Variants in ROBO2 observed in about 807,000 individuals in gnomAD.
ROBO2 encodes the protein roundabout guidance receptor 2, also known as roundabout homolog 2.
A neutral mutation model predicts 160.8 loss-of-function variants in ROBO2; 53 were observed. That is an observed-to-expected ratio of 0.33 (90% CI 0.26 to 0.41). The LOEUF is 0.41. Ranked by LOEUF, ROBO2 falls within the 10% of genes least tolerant of loss-of-function variation. ROBO2 has a pLI of 1.00. For missense variants in ROBO2, 1,577 were observed against 1,722.4 expected (o/e 0.92, Z 1.49); for synonymous variants, 664 against 611.7 (o/e 1.09, Z -1.26).
At chr3:77,296,077 C>A (rs1336866583) in intron 2 of ROBO2, among the ~76,000 whole-genome samples, 1 of 150,238 alleles carries the variant, frequency 6.7e-6, no homozygotes, top group Non-Finnish European at 1.5e-5. Flanking sequence ...GCTAGATCAC[C>A]CCAGATATGA....
At chr3:77,386,409 G>A (rs763349048) in intron 2 of ROBO2, among the ~76,000 whole-genome samples, 1 of 152,074 alleles carries the variant, frequency 6.6e-6, no homozygotes, top group East Asian at 1.9e-4. Flanking sequence ...CTTTTAGCAC[G>A]TTAGGTATAG....
chr3:76,899,433 G>A (rs1444121408), intron 2 of ROBO2, among the ~76,000 whole-genome samples: 1 of 152,058 alleles, frequency 6.6e-6, no homozygotes, highest in East Asian at 1.9e-4. Context: ...CTTAGGGTCC[G>A]AAAGTTCTCT....
chr3:76,570,510 G>T (rs2084892966), intron 2 of ROBO2, among the ~76,000 whole-genome samples: 1 of 152,138 alleles, frequency 6.6e-6, no homozygotes, highest in South Asian at 2.1e-4. Flanking sequence ...CATATAAGGA[G>T]CTTTTAAAAG....
chr3:76,342,445 T>A (rs1412194949), intron 2 of ROBO2, among the ~76,000 whole-genome samples: 1 of 152,090 alleles, frequency 6.6e-6, no homozygotes, highest in Non-Finnish European at 1.5e-5. Flanking sequence ...GATGAATGAC[T>A]GCACAGAGTG....
At chr3:76,481,297 G>T (rs1409886322) in intron 2 of ROBO2, among the ~76,000 whole-genome samples, 1 of 152,024 alleles carries the variant, frequency 6.6e-6, no homozygotes, top group African/African-American at 2.4e-5. Flanking sequence ...TTGTAATTGC[G>T]GGAGGGAAAA....
In ROBO2 at chr3:76,206,594, T is replaced by G. The variant is rs531880396; in HGVS notation, c.109+268992T>G. ...AAGTGCTCTGGGTCCAACGTGCATA[T>G]AGACACTCCCATGTGTGAAAAGTTC... is the stretch of plus-strand genomic sequence containing the variant. On this transcript the variant is annotated intron_variant, in intron 2 of 26. Coordinates refer to the ROBO2 transcript ENST00000487694. 2.6e-5 allele frequency among the ~76,000 whole-genome samples: 4 copies of G among 152,236 alleles called. 1 individual carries two copies. The South Asian group carries it at 8.3e-4, about 32-fold the overall frequency.
intron 2 of ROBO2, among the ~76,000 whole-genome samples, chr3:77,222,383 C>T (rs555807428): frequency 2.0e-5 from 3 of 152,168 alleles, no homozygotes; most frequent in South Asian, 4.2e-4. Context: ...TTACATGTTA[C>T]CGATAACCTG....
chr3:77,197,327 A>C (rs2082398374), intron 2 of ROBO2, among the ~76,000 whole-genome samples: 1 of 152,206 alleles, frequency 6.6e-6, no homozygotes, highest in Non-Finnish European at 1.5e-5. Flanking sequence ...AGCAATAGAC[A>C]ACCTCACTGA....
At chr3:76,071,951 C>T (rs2068469283) in intron 2 of ROBO2, among the ~76,000 whole-genome samples, 1 of 152,020 alleles carries the variant, frequency 6.6e-6, no homozygotes, top group Non-Finnish European at 1.5e-5. Context: ...TTGTGGAACA[C>T]ACTTCAATAC....
At chr3:76,803,449 A>AAGGAAGGAAGGATGGAGGGT (rs1452319214) in intron 2 of ROBO2, among the ~76,000 whole-genome samples, 1 of 138,752 alleles carries the variant, frequency 7.2e-6, no homozygotes, top group African/African-American at 2.8e-5. Context: ...GGATGGAGGG[A>AAGGAAGGAAGGATGGAGGGT]AGGAAGGAAG....
intron 2 of ROBO2, among the ~76,000 whole-genome samples, chr3:77,114,250 G>A (rs1327281870): frequency 6.6e-6 from 1 of 152,122 alleles, no homozygotes; most frequent in Non-Finnish European, 1.5e-5. Context: ...AGATTAGTGT[G>A]TGATTATTAT....
intron 2 of ROBO2, among the ~76,000 whole-genome samples, chr3:76,690,431 T>C (rs1391730836): frequency 6.6e-6 from 1 of 152,018 alleles, no homozygotes; most frequent in African/African-American, 2.4e-5. Context: ...CTTTATCCCC[T>C]TTCATCATCT....
intron 2 of ROBO2, among the ~76,000 whole-genome samples, chr3:76,718,609 C>T (rs957807473): frequency 2.6e-5 from 4 of 152,146 alleles, no homozygotes. Context: ...ATTAAGAAAG[C>T]CCCTCTGTGA....
At position 76,230,861 on chromosome 3, in the gene ROBO2, T is replaced by G. The variant is rs953752879; in HGVS notation, c.109+293259T>G. Among the ~76,000 whole-genome samples, 12 of 152,188 alleles carry G rather than the reference T, an allele frequency of 7.9e-5. 1 individual carries two copies. Among genetic ancestry groups the G allele is most frequent in the Non-Finnish European group, 1.8e-4 (12 of 68,034 alleles). ...TTAGGGTGAACCCCTAATTCCGGACTGGTGCCCTTTTAACAAAGGAATTAG... is the reference window on the plus strand; with the variant it reads ...TTAGGGTGAACCCCTAATTCCGGACGGGTGCCCTTTTAACAAAGGAATTAG... On this transcript the variant is annotated intron_variant, in intron 2 of 26. Coordinates refer to the ROBO2 transcript ENST00000487694.
At chr3:75,932,492 C>T (rs1307795831) in intron 1 of ROBO2, among the ~76,000 whole-genome samples, 1 of 152,100 alleles carries the variant, frequency 6.6e-6, no homozygotes, top group Non-Finnish European at 1.5e-5. Context: ...ATTTCAGTGC[C>T]ACATCTGCAG....
intron 2 of ROBO2, among the ~76,000 whole-genome samples, chr3:77,253,250 C>G (rs2090579585): frequency 1.3e-5 from 2 of 152,026 alleles, no homozygotes; most frequent in South Asian, 4.1e-4. Flanking sequence ...TCCTAAGAGA[C>G]TTTTAAAAAA....
chr3:76,273,023 AAT>A (rs1258656189), intron 2 of ROBO2, among the ~76,000 whole-genome samples: 1 of 99,454 alleles, frequency 1.0e-5, no homozygotes, highest in Non-Finnish European at 1.9e-5. Context: ...TATTATATAT[AAT>A]ATATATTTAT....
intron 2 of ROBO2, among the ~76,000 whole-genome samples, chr3:76,640,392 G>A (rs964358361): frequency 1.7e-4 from 26 of 152,162 alleles, no homozygotes; most frequent in Admixed American, 1.2e-3. Context: ...TTAGTCAGGC[G>A]TGGTGGCAGA....
chr3:77,020,560 A>G (rs2062566594), intron 2 of ROBO2, among the ~76,000 whole-genome samples: 1 of 152,206 alleles, frequency 6.6e-6, no homozygotes, highest in African/African-American at 2.4e-5. Context: ...AACAAAGAAT[A>G]ATGCTGGAAG....
Sources: gnomAD v4.1 joint callset for allele counts (sites outside exome capture counted in the v4.1 genomes callset) on GRCh38, gnomAD v4.1.1 for gene constraint, MANE v1.5 for transcripts, NCBI Gene and HGNC (gene_info 2026-07-23, HGNC 2026-07-21) for gene names.